LRMDA: variants seen among roughly 807,000 people sequenced by gnomAD.
LRMDA encodes the protein leucine rich melanocyte differentiation associated.
A neutral mutation model predicts 29.8 loss-of-function variants in LRMDA; 18 were observed. The ratio of observed to expected loss-of-function variants is 0.60; its 90% CI spans 0.42 to 0.90. The LOEUF is 0.90. Among genes scored for constraint, LRMDA ranks in the 40% least tolerant of loss-of-function variants. The pLI is 0.00. For synonymous variants in LRMDA, 125 were observed against 109.4 expected (o/e 1.14, Z -0.89); for missense variants, 273 against 273.9 (o/e 1.00, Z 0.02).
chr10:76,288,784 G>A (rs1214882160), intron 5 of LRMDA, among the ~76,000 whole-genome samples: 4 of 152,238 alleles, frequency 2.6e-5, no homozygotes, highest in Admixed American at 2.0e-4. Context: ...TGTGGTTTCC[G>A]TAGGAGAAAG....
At chr10:76,189,489 A>G (rs1409073884) in intron 5 of LRMDA, among the ~76,000 whole-genome samples, 2 of 152,144 alleles carry the variant, frequency 1.3e-5, no homozygotes, top group Admixed American at 6.5e-5. Flanking sequence ...TGTGTTCCCC[A>G]CTGATTTTCA....
At chr10:75,991,965 C>T (rs1564624832) in intron 2 of LRMDA, among the ~76,000 whole-genome samples, 1 of 152,134 alleles carries the variant, frequency 6.6e-6, no homozygotes, top group Non-Finnish European at 1.5e-5. Flanking sequence ...CACAGAGAGC[C>T]AAGAAGCCAA....
intron 2 of LRMDA, among the ~76,000 whole-genome samples, chr10:75,651,726 C>A (rs1394115295): frequency 6.6e-6 from 1 of 152,190 alleles, no homozygotes; most frequent in Non-Finnish European, 1.5e-5. Flanking sequence ...CCCAGCCAAT[C>A]TTGCTTAGGC....
At chr10:76,209,697 T>C (rs1325462328) in intron 5 of LRMDA, among the ~76,000 whole-genome samples, 1 of 152,216 alleles carries the variant, frequency 6.6e-6, no homozygotes, top group Non-Finnish European at 1.5e-5. Flanking sequence ...AGGGTGTCTC[T>C]CTGAACATGG....
At chr10:75,612,595 G>T (rs1841045889) in intron 2 of LRMDA, among the ~76,000 whole-genome samples, 1 of 149,798 alleles carries the variant, frequency 6.7e-6, no homozygotes, top group South Asian at 2.1e-4. Context: ...TTTTTGTTCT[G>T]ATTTCCAAAG....
intron 5 of LRMDA, among the ~76,000 whole-genome samples, chr10:76,114,636 GC>G (rs897443266): frequency 1.3e-5 from 2 of 152,178 alleles, no homozygotes; most frequent in African/African-American, 4.8e-5. Flanking sequence ...TCCCCAAGCA[GC>G]CCCTTTCCTT....
chr10:75,627,130 T>C (rs1841260395), intron 2 of LRMDA, among the ~76,000 whole-genome samples: 1 of 152,248 alleles, frequency 6.6e-6, no homozygotes, highest in Non-Finnish European at 1.5e-5. Context: ...GCAAACAAGC[T>C]CTCTCATCTA....
At chr10:76,295,835 C>T (rs1840404954) in intron 5 of LRMDA, among the ~76,000 whole-genome samples, 1 of 152,174 alleles carries the variant, frequency 6.6e-6, no homozygotes, top group African/African-American at 2.4e-5. Context: ...AGGCTCAGCT[C>T]AATTCCATTT....
At chr10:75,977,121 TC>T (rs1314096125) in intron 2 of LRMDA, among the ~76,000 whole-genome samples, 13 of 138,552 alleles carry the variant, frequency 9.4e-5, no homozygotes, top group Middle Eastern at 3.8e-3. Context: ...GTTCTTTTCT[TC>T]CCTTTTTTTT....
chr10:75,788,515 C>T (rs1843512023), intron 2 of LRMDA, among the ~76,000 whole-genome samples: 1 of 152,226 alleles, frequency 6.6e-6, no homozygotes, highest in African/African-American at 2.4e-5. Flanking sequence ...CATTGCTCAG[C>T]ACTAGCCAGT....
intron 2 of LRMDA, among the ~76,000 whole-genome samples, chr10:75,702,915 A>T (rs969939462): frequency 6.6e-6 from 1 of 152,210 alleles, no homozygotes; most frequent in Non-Finnish European, 1.5e-5. Context: ...GGGTCTCAGG[A>T]CTACAGATAT....
intron 2 of LRMDA, among the ~76,000 whole-genome samples, chr10:75,862,207 C>CACAG (rs1844943059): frequency 6.6e-6 from 1 of 151,960 alleles, no homozygotes; most frequent in Admixed American, 6.6e-5. Flanking sequence ...CACACACACA[C>CACAG]ACACGCACTT....
At chr10:76,538,678 T>TACACAAC (rs1564570380) in intron 6 of LRMDA, among the ~76,000 whole-genome samples, 1 of 151,880 alleles carries the variant, frequency 6.6e-6, no homozygotes, top group Non-Finnish European at 1.5e-5. Flanking sequence ...GTTTAACTTG[T>TACACAAC]TACAACTCTG....
At chr10:75,481,547 A>G (rs1844856043) in intron 2 of LRMDA, among the ~76,000 whole-genome samples, 2 of 152,184 alleles carry the variant, frequency 1.3e-5, no homozygotes, top group South Asian at 4.1e-4. Context: ...ATCAACAACC[A>G]TGTTAGTCCA....
intron 2 of LRMDA, among the ~76,000 whole-genome samples, chr10:75,789,751 A>G (rs1342479778): frequency 4.6e-5 from 7 of 152,210 alleles, no homozygotes; most frequent in Admixed American, 4.6e-4. Flanking sequence ...ACATGCAAAT[A>G]TTGATGTCCC....
At chr10:76,058,599 C>A in intron 4 of LRMDA, 67 bp from the exon 5 acceptor site, 1 of 1,292,484 alleles carries the variant, frequency 7.7e-7, no homozygotes, top group Non-Finnish European at 1.1e-6. Flanking sequence ...GAAGATCAGA[C>A]AAGCTGTCGG....
At chr10:75,916,966 T>C (rs1706693442) in intron 2 of LRMDA, among the ~76,000 whole-genome samples, 1 of 152,238 alleles carries the variant, frequency 6.6e-6, no homozygotes, top group Non-Finnish European at 1.5e-5. Context: ...TTGAGCACTA[T>C]ATACACTTTT....
intron 2 of LRMDA, among the ~76,000 whole-genome samples, chr10:75,784,229 G>A (rs766237874): frequency 6.6e-6 from 1 of 152,212 alleles, no homozygotes; most frequent in Non-Finnish European, 1.5e-5. Context: ...GCAGGTAAGA[G>A]AGCTAATTGC....
At chr10:76,545,942 C>CAT (rs930743412) in intron 6 of LRMDA, among the ~76,000 whole-genome samples, 1 of 152,130 alleles carries the variant, frequency 6.6e-6, no homozygotes, top group African/African-American at 2.4e-5. Flanking sequence ...TGCAAAAATG[C>CAT]ATACTCTTGG....
Sources: allele counts gnomAD v4.1 joint callset (sites outside exome capture counted in the v4.1 genomes callset), GRCh38; gene constraint gnomAD v4.1.1; transcripts MANE v1.5; gene names NCBI Gene and HGNC (gene_info 2026-07-23, HGNC 2026-07-21).